The following DCUN1D4 variants were observed in gnomAD, a reference collection of about 807,000 sequenced individuals.
The protein encoded by DCUN1D4 is DCN1-like protein 4.
DCUN1D4 carries 22 observed loss-of-function variants against 47.9 expected under a neutral mutation model. That is an observed-to-expected ratio of 0.46 (90% CI 0.33 to 0.66). The LOEUF (loss-of-function observed/expected upper bound fraction) is 0.66. DCUN1D4 is among the 30% of genes least tolerant of loss of function. The probability of loss-of-function intolerance (pLI) is 0.02; values close to 1 mark genes in which losing one functional copy is unlikely to be tolerated. For missense variants in DCUN1D4, 301 were observed against 340.8 expected (o/e 0.88, Z 0.92); for synonymous variants, 121 against 112.2 (o/e 1.08, Z -0.50).
At chr4:51,852,058 C>G (rs757597643) in intron 1 of DCUN1D4, among the ~76,000 whole-genome samples, 1 of 152,136 alleles carries the variant, frequency 6.6e-6, no homozygotes, top group Non-Finnish European at 1.5e-5. Context: ...ATGATGCTGA[C>G]AGAGCCAGCT....
In DCUN1D4 at chr4:51,913,770, G is replaced by T; in HGVS notation, c.*186G>T. 1.8e-6 allele frequency: 1 copy of T among 553,146 alleles called. No homozygotes were observed. 34.3% of individuals were successfully genotyped at this position (553,146 alleles called of 1,614,324 possible). A position where few individuals can be genotyped will look rare whatever the true frequency, so the allele number is the denominator to read the frequency against. Reference sequence around the variant, plus strand: ...CTGTGTGGCATTGTTCTCTTGGAAGGCTGCTTTGCAGTTTGTATTTACACT... The same window carrying T: ...CTGTGTGGCATTGTTCTCTTGGAAGTCTGCTTTGCAGTTTGTATTTACACT... On this transcript the variant is annotated 3_prime_UTR_variant, in exon 11 of 11. Transcript: ENST00000334635.
chr4:51,841,997 T>TGGGGGGGGGGGGGGTTGGGGGGG (rs1210260386), upstream of DCUN1D4, among the ~76,000 whole-genome samples: 1 of 67,516 alleles, frequency 1.5e-5, no homozygotes, highest in Non-Finnish European at 3.1e-5. Context: ...TGGGTTGGGG[T>TGGGGGGGGGGGGGGTTGGGGGGG]GGGGGGAATC....
intron 1 of DCUN1D4, chr4:51,844,960 C>T (rs1722288932): frequency 4.1e-6 from 4 of 985,302 alleles, no homozygotes; most frequent in Non-Finnish European, 3.6e-6. Flanking sequence ...GACGGAGCGA[C>T]TCCCCAGCCC....
At chr4:51,861,983 C>T (rs1725141370) in intron 1 of DCUN1D4, among the ~76,000 whole-genome samples, 1 of 152,192 alleles carries the variant, frequency 6.6e-6, no homozygotes, top group South Asian at 2.1e-4. Context: ...TTCTAAACCT[C>T]TGTGCAGTCG....
chr4:51,854,186 G>T (rs1045926349), intron 1 of DCUN1D4, among the ~76,000 whole-genome samples: 3 of 152,196 alleles, frequency 2.0e-5, no homozygotes, highest in Admixed American at 2.0e-4. Context: ...ACTGAGACCT[G>T]TGCCATGTCA....
intron 1 of DCUN1D4, among the ~76,000 whole-genome samples, chr4:51,859,466 T>A (rs989530375): frequency 6.6e-6 from 1 of 152,006 alleles, no homozygotes; most frequent in African/African-American, 2.4e-5. Flanking sequence ...TTCTTTTGAT[T>A]GAGAGTCATT....
intron 7 of DCUN1D4, among the ~76,000 whole-genome samples, chr4:51,893,487 G>A (rs752924294): frequency 1.3e-5 from 2 of 151,546 alleles, no homozygotes; most frequent in South Asian, 2.1e-4. Context: ...GTGCAGTGGC[G>A]TGCTCTCAGT....
Position 51,913,597 on chromosome 4 carries a change from A to G in DCUN1D4, c.*13A>G. On this transcript the variant is annotated 3_prime_UTR_variant, in exon 11 of 11. Coordinates refer to ENST00000334635, the MANE Select transcript of DCUN1D4 (RefSeq NM_001040402.3). ...ACAGATGTCCTAGGACTTTATGCAT[A>G]GCAGCGAGAGAGTCACTGTTACCAC... 1 of 1,609,936 alleles carries G rather than the reference A, an allele frequency of 6.2e-7. No individual in the cohort carries two copies.
At chr4:51,856,315 A>C (rs1378807909) in intron 1 of DCUN1D4, among the ~76,000 whole-genome samples, 8 of 152,222 alleles carry the variant, frequency 5.3e-5, no homozygotes, top group African/African-American at 1.9e-4. Context: ...GTTTAATAAT[A>C]AAACACTTTG....
At chr4:51,834,170 A>G in the DCUN1D4 span, among the ~76,000 whole-genome samples, 1 of 122,990 alleles carries the variant, frequency 8.1e-6, no homozygotes, top group Non-Finnish European at 1.6e-5. Flanking sequence ...TAACTCATCT[A>G]TATTTCTCCC....
chr4:51,868,267 C>T (rs1429249229), intron 3 of DCUN1D4, among the ~76,000 whole-genome samples: 3 of 152,178 alleles, frequency 2.0e-5, no homozygotes, highest in Non-Finnish European at 2.9e-5. Context: ...GACTCCTGCC[C>T]CCACAGCTCA....
chr4:51,874,510 T>C (rs1727387236), intron 4 of DCUN1D4, 125 bp downstream of exon 4: 1 of 520,952 alleles, frequency 1.9e-6, no homozygotes, highest in Non-Finnish European at 3.3e-6. Flanking sequence ...GCCAGTCGAT[T>C]TTTCAAAATG....
Position 51,895,601 on chromosome 4 carries a change from T to C in DCUN1D4, c.507-3669T>C, listed in dbSNP as rs909516358. Among the ~76,000 whole-genome samples, 11 of 146,512 alleles carry C rather than the reference T, an allele frequency of 7.5e-5. 1 individual carries two copies. In the East Asian group the frequency reaches 1.2e-3, roughly 16 times the overall value. ...AAAAAAAAAAAAACAGTGACAATTG[T>C]TAATTAACTGCAATAAACTGATGAT... On this transcript the variant is annotated intron_variant, in intron 7 of 10. Transcript: ENST00000334635.
At chr4:51,865,833 T>C (rs1725825377) in intron 3 of DCUN1D4, among the ~76,000 whole-genome samples, 5 of 152,168 alleles carry the variant, frequency 3.3e-5, no homozygotes, top group Admixed American at 3.3e-4. Flanking sequence ...GCAGCAAGAA[T>C]GCACAGGACT....
chr4:51,863,380 G>T (rs1162822510), intron 1 of DCUN1D4, 57 bp from the exon 2 acceptor site: 3 of 1,342,662 alleles, frequency 2.2e-6, no homozygotes, highest in Non-Finnish European at 3.2e-6. Context: ...TTCTGAGTTT[G>T]TTTTTTTACA....
chr4:51,911,988 A>G (rs1346805944), intron 9 of DCUN1D4, among the ~76,000 whole-genome samples: 1 of 152,166 alleles, frequency 6.6e-6, no homozygotes, highest in African/African-American at 2.4e-5. Context: ...TCTTTCTCAC[A>G]ACTTACTTTA....
intron 8 of DCUN1D4, chr4:51,905,315 G>A (rs1241020956): frequency 1.7e-5 from 7 of 424,000 alleles, no homozygotes; most frequent in South Asian, 3.3e-5. Flanking sequence ...TGCCCTTGAC[G>A]TCCAGGCCAG....
intron 8 of DCUN1D4, among the ~76,000 whole-genome samples, chr4:51,902,142 A>G (rs1039844341): frequency 1.3e-5 from 2 of 152,200 alleles, no homozygotes; most frequent in African/African-American, 4.8e-5. Context: ...TGTTGTGGTC[A>G]GGGAACATAC....
chr4:51,863,591 T>A, intron 2 of DCUN1D4, 79 bp from the exon 3 acceptor site: 1 of 1,578,728 alleles, frequency 6.3e-7, no homozygotes, highest in Non-Finnish European at 8.7e-7. Context: ...ATTTAGATTC[T>A]AGATATTAGG....
Sources: gnomAD v4.1 joint callset for allele counts (sites outside exome capture counted in the v4.1 genomes callset) on GRCh38, gnomAD v4.1.1 for gene constraint, MANE v1.5 for transcripts, NCBI Gene and HGNC (gene_info 2026-07-23, HGNC 2026-07-21) for gene names.